The following DMD variants were observed in gnomAD, a reference collection of about 807,000 sequenced individuals.
DMD encodes the protein mutant dystrophin.
In DMD, 63 loss-of-function variants were observed where a neutral mutation model predicts 330.1. The observed-to-expected ratio is 0.19, with a 90% CI of 0.16 to 0.24. DMD has a LOEUF of 0.24. Ranked by LOEUF, DMD falls within the 10% of genes least tolerant of loss-of-function variation. The pLI is 1.00. For missense variants in DMD, 3,344 were observed against 2,684.1 expected, an observed-to-expected ratio of 1.25 and a Z score of -5.43; for synonymous variants, 1,223 against 959.8, an observed-to-expected ratio of 1.27 and a Z score of -5.07.
At chrX:31,974,728 T>C (rs759034563) in intron 44 of DMD, among the ~76,000 whole-genome samples, 4 of 110,484 alleles carry the variant, frequency 3.6e-5, no homozygotes, top group Non-Finnish European at 7.6e-5. Flanking sequence ...AAAAGAATAA[T>C]GAGAATTCCT....
At chrX:33,252,157 T>C (rs73459939) in intron 1 of DMD, among the ~76,000 whole-genome samples, 8,700 of 111,609 alleles carry the variant, frequency 0.078, 849 homozygotes, top group African/African-American at 0.27. Context: ...AGGCATGGTA[T>C]TGAGAAACAA....
rs754718247 is a variant in DMD at position 32,310,067 on chromosome X, G to A, written c.6117+15C>T. The A allele has an allele frequency of 7.5e-6, 9 of 1,192,793 alleles. No homozygotes were observed. The African/African-American group carries it at 1.6e-4, about 21-fold the overall frequency. ...ATCACCTTGTAAAATACGAATGAAAGTGCTTTGGTTTTACCTTCAGAGACT... is the reference window on the plus strand; with the variant it reads ...ATCACCTTGTAAAATACGAATGAAAATGCTTTGGTTTTACCTTCAGAGACT... On this transcript the variant is annotated intron_variant, in intron 42 of 78. Transcript: ENST00000357033.
At chrX:31,154,909 T>TA (rs200692461) in intron 74 of DMD, among the ~76,000 whole-genome samples, 13,032 of 111,413 alleles carry the variant, frequency 0.12, 1,384 homozygotes, top group African/African-American at 0.33. Flanking sequence ...CCAGTCATCC[T>TA]AAAAAAAGTC....
At chrX:31,572,611 C>A (rs190003932) in intron 55 of DMD, among the ~76,000 whole-genome samples, 1 of 112,622 alleles carries the variant, frequency 8.9e-6, no homozygotes, top group East Asian at 2.8e-4. Context: ...CCCCAGCTCC[C>A]TTGCCCCTTT....
intron 1 of DMD, among the ~76,000 whole-genome samples, chrX:33,020,991 G>C (rs1219580484): frequency 1.8e-5 from 2 of 110,978 alleles, no homozygotes; most frequent in Admixed American, 1.9e-4. Context: ...AGTTATCTTT[G>C]CTTCCCAGAA....
chrX:33,078,340 A>G (rs1182475628), intron 1 of DMD, among the ~76,000 whole-genome samples: 1 of 112,096 alleles, frequency 8.9e-6, no homozygotes, highest in Non-Finnish European at 1.9e-5. Flanking sequence ...AATTTCTCCA[A>G]TGGTGTCCTG....
At chrX:32,295,917 T>C (rs773362311) in intron 42 of DMD, among the ~76,000 whole-genome samples, 2 of 112,302 alleles carry the variant, frequency 1.8e-5, no homozygotes, top group Admixed American at 1.9e-4. Flanking sequence ...TCAAAGTAGA[T>C]ATTGCAGAAC....
At chrX:32,405,389 T>C (rs2098111949) in intron 30 of DMD, among the ~76,000 whole-genome samples, 1 of 112,079 alleles carries the variant, frequency 8.9e-6, no homozygotes, top group South Asian at 3.7e-4. Flanking sequence ...TAATTTTTTA[T>C]TTATTTCCAA....
At chrX:32,422,941 A>G (rs2098196378) in intron 29 of DMD, among the ~76,000 whole-genome samples, 1 of 111,517 alleles carries the variant, frequency 9.0e-6, no homozygotes, top group African/African-American at 3.2e-5. Flanking sequence ...ATGTACCCTC[A>G]GAACAGTATT....
intron 39 of DMD, 61 bp downstream of exon 39, chrX:32,345,882 T>C (rs1603631316): frequency 8.7e-7 from 1 of 1,143,530 alleles, no homozygotes; most frequent in Non-Finnish European, 1.2e-6. Context: ...CACATTATAT[T>C]TTACCCTATA....
intron 50 of DMD, among the ~76,000 whole-genome samples, chrX:31,791,454 C>T (rs1436061871): frequency 3.6e-5 from 4 of 111,330 alleles, no homozygotes; most frequent in Non-Finnish European, 7.6e-5. Flanking sequence ...ACATGAATAT[C>T]TATCTTCAGG....
chrX:31,456,606 C>A (rs1286930112), intron 59 of DMD, among the ~76,000 whole-genome samples: 1 of 111,344 alleles, frequency 9.0e-6, no homozygotes, highest in Non-Finnish European at 1.9e-5. Context: ...TGAGGAAAAG[C>A]AAATAGCCTT....
intron 43 of DMD, among the ~76,000 whole-genome samples, chrX:32,251,821 A>C (rs1220719769): frequency 9.1e-6 from 1 of 110,218 alleles, no homozygotes; most frequent in Non-Finnish European, 1.9e-5. Context: ...CTTCAAAATA[A>C]TTGTTTAAAG....
chrX:32,132,993 CTTTTTTTTTTTTTTTTTT>C (rs377615262), intron 44 of DMD, among the ~76,000 whole-genome samples: 2 of 75,974 alleles, frequency 2.6e-5, no homozygotes, highest in East Asian at 3.8e-4. Context: ...CTTTTCTTTT[CTTTTTTTTTTTTTTTTTT>C]TTTTTTTTTT....
At chrX:32,203,390 A>G (rs183052081) in intron 44 of DMD, among the ~76,000 whole-genome samples, 6 of 112,236 alleles carry the variant, frequency 5.3e-5, no homozygotes, top group East Asian at 2.8e-4. Flanking sequence ...GTTTTCCTCA[A>G]TGTTGAAACT....
At chrX:32,834,725 A>G (rs965318020) in intron 4 of DMD, among the ~76,000 whole-genome samples, 1 of 112,029 alleles carries the variant, frequency 8.9e-6, no homozygotes, top group African/African-American at 3.2e-5. Context: ...ACCTTGTGAT[A>G]GACAATTGAT....
chrX:32,526,127 C>A (rs955558766), intron 17 of DMD, among the ~76,000 whole-genome samples: 7 of 111,630 alleles, frequency 6.3e-5, no homozygotes, highest in Non-Finnish European at 1.9e-5. Flanking sequence ...ACTTAACGTA[C>A]TTCCGAATGT....
chrX:31,773,820 T>A, intron 51 of DMD, 140 bp downstream of exon 51: 2 of 469,680 alleles, frequency 4.3e-6, no homozygotes, highest in South Asian at 3.0e-5. Flanking sequence ...TTAGGCTGAA[T>A]AGTGAGAGTA....
At chrX:33,000,959 A>G (rs760698446) in intron 2 of DMD, among the ~76,000 whole-genome samples, 33 of 111,063 alleles carry the variant, frequency 3.0e-4, no homozygotes, top group Non-Finnish European at 5.3e-4. Context: ...ATTATTCTAT[A>G]TTTTTTATTA....
Sources: gnomAD v4.1 joint callset for allele counts (sites outside exome capture counted in the v4.1 genomes callset) on GRCh38, gnomAD v4.1.1 for gene constraint, MANE v1.5 for transcripts, NCBI Gene and HGNC (gene_info 2026-07-23, HGNC 2026-07-21) for gene names.